UNC119B: variants seen among roughly 807,000 people sequenced by gnomAD.
The protein encoded by UNC119B is protein unc-119 homolog B.
UNC119B carries 16 observed loss-of-function variants against 23.4 expected under a neutral mutation model. That is an observed-to-expected ratio of 0.68 (90% CI 0.46 to 1.04). The LOEUF (loss-of-function observed/expected upper bound fraction) is 1.04, where lower values mean the gene tolerates loss of function less well. Among genes scored for constraint, UNC119B ranks in the 50% least tolerant of loss-of-function variants. The pLI is 0.00. For synonymous variants in UNC119B, 144 were observed against 145.4 expected, an observed-to-expected ratio of 0.99 and a Z score of 0.07; for missense variants, 350 against 361.3, an observed-to-expected ratio of 0.97 and a Z score of 0.25.
chr12:120,714,168 A>T (rs908904519), intron 2 of UNC119B, among the ~76,000 whole-genome samples: 1 of 152,212 alleles, frequency 6.6e-6, no homozygotes, highest in Non-Finnish European at 1.5e-5. Context: ...AGTGTTTCTC[A>T]TCTGATTTGC....
intron 2 of UNC119B, among the ~76,000 whole-genome samples, chr12:120,716,109 A>G (rs566300668): frequency 2.6e-5 from 4 of 152,332 alleles, no homozygotes; most frequent in South Asian, 2.1e-4. Flanking sequence ...TAACTTTCTG[A>G]TAAGTGTCAA....
In UNC119B at chr12:120,713,381, G is replaced by A. The variant is rs202096434; in HGVS notation, c.352G>A (p.Val118Ile). Residue 118 changes from valine to isoleucine, a missense_variant, in exon 2 of 5, where the codon GTT (valine) becomes ATT (isoleucine). Coordinates refer to ENST00000344651, the MANE Select transcript of UNC119B (RefSeq NM_001080533.3). ...TVLFEIAKPC[V>I]SDQEEDEEEG... Reference sequence around the variant, plus strand: ...ACTTTTTGAGATTGCCAAACCTTGCGTTTCAGGTAGGCCTCTACGTTGTGG... The same window carrying A: ...ACTTTTTGAGATTGCCAAACCTTGCATTTCAGGTAGGCCTCTACGTTGTGG... 62 of 1,612,922 alleles carry A rather than the reference G, an allele frequency of 3.8e-5. No individual in the cohort carries two copies. The African/African-American group carries it at 6.4e-4, about 17-fold the overall frequency.
At chr12:120,716,439 G>C (rs1882780542) in intron 2 of UNC119B, among the ~76,000 whole-genome samples, 189 bp from the exon 3 acceptor site, 2 of 152,190 alleles carry the variant, frequency 1.3e-5, no homozygotes, top group Non-Finnish European at 2.9e-5. Flanking sequence ...ACACCTCGAA[G>C]GGTTGTTGTA....
chr12:120,716,591 C>G (rs746709420), intron 2 of UNC119B, 37 bp from the exon 3 acceptor site: 2 of 1,606,452 alleles, frequency 1.2e-6, no homozygotes, highest in African/African-American at 2.7e-5. Flanking sequence ...TTGAGAATGT[C>G]GAGATGGTGC....
chr12:120,716,787 A>T (rs758862447), intron 3 of UNC119B, 48 bp downstream of exon 3: 1 of 1,606,508 alleles, frequency 6.2e-7, no homozygotes, highest in African/African-American at 1.3e-5. Context: ...TTGTTCACAG[A>T]GAAGAGTGTT....
In UNC119B at chr12:120,710,566, G is replaced by A; in HGVS notation, c.92G>A (p.Gly31Asp). The A allele has an allele frequency of 7.2e-7, 1 of 1,396,564 alleles. No homozygotes were observed. The highest frequency in any genetic ancestry group is 9.2e-7 in the Non-Finnish European group (1 of 1,083,126). The allele number at this position is 1,396,564 out of a possible 1,614,324, so 86.5% of individuals were successfully genotyped here. A position where few individuals can be genotyped will look rare whatever the true frequency, so the allele number is the denominator to read the frequency against. Residue 31 changes from glycine (G) to aspartate (D), a missense_variant, in exon 1 of 5, where the codon GGC (glycine) becomes GAC (aspartate). Coordinates refer to ENST00000344651, the MANE Select transcript of UNC119B (RefSeq NM_001080533.3). ...GGCAAGGAGGAGAAGAAGAAGGCGG[G>A]CGGCGGCGTCCTGAACCGCCTGAAG... is the stretch of plus-strand genomic sequence containing the variant. ...VAGKEEKKKA[G>D]GGVLNRLKAR... is the part of the protein sequence containing the mutation.
intron 4 of UNC119B, among the ~76,000 whole-genome samples, chr12:120,717,244 A>T (rs753871466): frequency 5.3e-5 from 8 of 152,054 alleles, no homozygotes; most frequent in Non-Finnish European, 8.8e-5. Context: ...TATGGGAGCA[A>T]TGAAGGGTTT....
rs571424830 is a variant in UNC119B at position 120,718,498 on chromosome 12, G to A, written c.644-1422G>A. 3.3e-5 allele frequency among the ~76,000 whole-genome samples: 5 copies of A among 152,324 alleles called. No individual in the cohort carries two copies. The East Asian group carries it at 9.6e-4, about 29-fold the overall frequency. On this transcript the variant is annotated intron_variant, in intron 4 of 4. Coordinates refer to ENST00000344651, the MANE Select transcript of UNC119B (RefSeq NM_001080533.3). Reference sequence around the variant, plus strand: ...GAATGGGGCTGTTGTAGATTTTGGGGCAGGAGTGAGAAGGTGGAAATACTG... The same window carrying A: ...GAATGGGGCTGTTGTAGATTTTGGGACAGGAGTGAGAAGGTGGAAATACTG...
Position 120,713,281 on chromosome 12 carries a change from A to G in UNC119B, c.252A>G (p.Leu84=). 2 of 1,607,668 alleles carry G rather than the reference A, an allele frequency of 1.2e-6. No individual in the cohort carries two copies. The highest frequency in any genetic ancestry group is 1.7e-6 in the Non-Finnish European group (2 of 1,175,162). The change falls in exon 2 of 5, where the codon TTA becomes TTG. Residue 84 remains leucine, a synonymous_variant. Coordinates refer to ENST00000344651, the MANE Select transcript of UNC119B (RefSeq NM_001080533.3). ...LRLSRVTENY[L]CKPEDNIYSI... is the part of the protein sequence containing the mutation. ...TCTCTCTCTTGTTTTCAGATTATTT[A>G]TGTAAACCCGAAGACAACATCTACA...
rs1461771782 is a variant in UNC119B, at chr12:120,710,600, G to A, written c.126G>A (p.Arg42=). The A allele has an allele frequency of 2.1e-6, 3 of 1,431,836 alleles. No homozygotes were observed. Among genetic ancestry groups the A allele is most frequent in the South Asian group, 1.4e-5 (1 of 71,792 alleles). 88.7% of individuals were successfully genotyped at this position (1,431,836 alleles called of 1,614,324 possible). Residue 42 remains arginine (R), a synonymous_variant, in exon 1 of 5, where the codon CGG becomes CGA. Transcript: ENST00000344651. ...GGVLNRLKAR[R]QAPHHAADDG... ...TCCTGAACCGCCTGAAGGCGCGGCG[G>A]CAGGCGCCCCACCACGCGGCCGACG...
At chr12:120,712,641 A>G (rs1882693918) in intron 1 of UNC119B, among the ~76,000 whole-genome samples, 1 of 152,232 alleles carries the variant, frequency 6.6e-6, no homozygotes, top group African/African-American at 2.4e-5. Flanking sequence ...AAAAAACTTT[A>G]AAATCTTGAG....
intron 4 of UNC119B, among the ~76,000 whole-genome samples, chr12:120,718,988 A>G (rs1017885960): frequency 2.0e-5 from 3 of 152,238 alleles, no homozygotes; most frequent in Non-Finnish European, 4.4e-5. Context: ...GTATAGTGTT[A>G]TAAGTTTTAC....
At chr12:120,712,649 G>A (rs1882694017) in intron 1 of UNC119B, among the ~76,000 whole-genome samples, 2 of 152,140 alleles carry the variant, frequency 1.3e-5, no homozygotes, top group Non-Finnish European at 2.9e-5. Flanking sequence ...TTAAAATCTT[G>A]AGACACGTGG....
intron 4 of UNC119B, among the ~76,000 whole-genome samples, chr12:120,719,563 A>C (rs1039090069): frequency 6.6e-6 from 1 of 152,202 alleles, no homozygotes; most frequent in Non-Finnish European, 1.5e-5. Flanking sequence ...GGCTTTGGTC[A>C]GCTGAGAGCA....
intron 2 of UNC119B, among the ~76,000 whole-genome samples, chr12:120,715,538 T>C (rs1708572738): frequency 7.3e-6 from 1 of 136,930 alleles, no homozygotes; most frequent in African/African-American, 2.7e-5. Flanking sequence ...TTTTTTTTTT[T>C]TTTTTTTTTT....
In UNC119B at chr12:120,713,316, T is replaced by C. The variant is rs1392469968; in HGVS notation, c.287T>C (p.Phe96Ser). Reference protein sequence around the residue: ...KPEDNIYSIDFTRFKIRDLET... With the variant: ...KPEDNIYSIDSTRFKIRDLET... Reference sequence around the variant, plus strand: ...GAAGACAACATCTACAGTATTGATTTCACCCGCTTCAAAATTCGAGATTTG... The same window carrying C: ...GAAGACAACATCTACAGTATTGATTCCACCCGCTTCAAAATTCGAGATTTG... The change falls in exon 2 of 5, where the codon TTC becomes TCC. Residue 96 changes from phenylalanine to serine, a missense_variant. Physicochemically the swap from Phe to Ser is radical, Grantham distance 155. Coordinates refer to ENST00000344651, the MANE Select transcript of UNC119B (RefSeq NM_001080533.3). The C allele has an allele frequency of 6.2e-7, 1 of 1,614,056 alleles. No homozygotes were observed. Among genetic ancestry groups the C allele is most frequent in the East Asian group, 2.2e-5 (1 of 44,904 alleles).
rs1345384568 is a variant in UNC119B at position 120,720,100 on chromosome 12, G to T, written c.*68G>T. 1 of 1,236,444 alleles carries T rather than the reference G, an allele frequency of 8.1e-7. No homozygotes were observed. The highest frequency in any genetic ancestry group is 1.2e-6 in the Non-Finnish European group (1 of 851,156). 76.6% of individuals were successfully genotyped at this position (1,236,444 alleles called of 1,614,324 possible). ...AAGATCCTGGCACACGGAGATGATC[G>T]AAGCTGCAGTTTGTCAACACACATC... On this transcript the variant is annotated 3_prime_UTR_variant, in exon 5 of 5. Transcript: ENST00000344651.
chr12:120,711,604 C>T (rs1882670559), intron 1 of UNC119B: 1 of 152,268 alleles, frequency 6.6e-6, no homozygotes. Context: ...GTGCACTCAC[C>T]TAGTTAGGCC....
intron 2 of UNC119B, among the ~76,000 whole-genome samples, chr12:120,714,209 C>T (rs768045244): frequency 6.6e-6 from 1 of 152,202 alleles, no homozygotes; most frequent in African/African-American, 2.4e-5. Flanking sequence ...GATAAGGCCC[C>T]GATTTCACCC....
Sources: gnomAD v4.1 joint callset for allele counts (sites outside exome capture counted in the v4.1 genomes callset) on GRCh38, gnomAD v4.1.1 for gene constraint, MANE v1.5 for transcripts, NCBI Gene and HGNC (gene_info 2026-07-23, HGNC 2026-07-21) for gene names.